MEGF11: variants seen among roughly 807,000 people sequenced by gnomAD.
MEGF11 encodes the protein multiple EGF like domains 11, also known as multiple epidermal growth factor-like domains protein 11.
A neutral mutation model predicts 146.6 loss-of-function variants in MEGF11; 126 were observed. That is an observed-to-expected ratio of 0.86 (90% CI 0.74 to 1.00). The LOEUF is 1.00. Ranked by LOEUF, MEGF11 falls within the 50% of genes least tolerant of loss-of-function variation. MEGF11 has a pLI of 0.00. For synonymous variants in MEGF11, 532 were observed against 583.4 expected (o/e 0.91, Z 1.27); for missense variants, 1,509 against 1,521.2 (o/e 0.99, Z 0.13).
At chr15:66,203,185 G>A (rs1368243108) in intron 1 of MEGF11, among the ~76,000 whole-genome samples, 3 of 152,102 alleles carry the variant, frequency 2.0e-5, no homozygotes, top group South Asian at 2.1e-4. Flanking sequence ...CTGAGCCTGC[G>A]CACTCAGCCA....
At chr15:66,140,940 A>G (rs1201756262) in intron 1 of MEGF11, among the ~76,000 whole-genome samples, 1 of 151,808 alleles carries the variant, frequency 6.6e-6, no homozygotes, top group Non-Finnish European at 1.5e-5. Flanking sequence ...TAGAACCTAG[A>G]TGTAGACTCG....
chr15:65,943,079 C>T lies in MEGF11; in HGVS notation c.1288-12136G>A, dbSNP rs367569164. On this transcript the variant is annotated intron_variant, in intron 10 of 25. Transcript: ENST00000395614. Reference sequence around the variant, plus strand: ...TCGGCTCACTGCAACCACCGCCCCCCGGGTTCAAGCGATTCTCCTGCCTCA... The same window carrying T: ...TCGGCTCACTGCAACCACCGCCCCCTGGGTTCAAGCGATTCTCCTGCCTCA... Among the ~76,000 whole-genome samples, 42 of 147,992 alleles carry T rather than the reference C, an allele frequency of 2.8e-4. 1 individual carries two copies. The East Asian group carries it at 5.4e-3, about 19-fold the overall frequency.
chr15:65,931,092 A>G (rs1346851268), intron 10 of MEGF11, 149 bp from the exon 11 acceptor site: 16 of 1,014,040 alleles, frequency 1.6e-5, no homozygotes, highest in Non-Finnish European at 2.0e-5. Flanking sequence ...GCAAAAAGGG[A>G]CTTTGCAGGT....
intron 5 of MEGF11, among the ~76,000 whole-genome samples, chr15:66,067,212 G>A (rs1306895191): frequency 1.3e-5 from 2 of 152,218 alleles, no homozygotes; most frequent in Non-Finnish European, 2.9e-5. Context: ...CAGGTCTAAT[G>A]TTTGATGACA....
intron 15 of MEGF11, 53 bp from the exon 16 acceptor site, chr15:65,918,147 C>T (rs2079062905): frequency 1.9e-6 from 3 of 1,606,886 alleles, no homozygotes; most frequent in Non-Finnish European, 2.5e-6. Flanking sequence ...TTCCTCTGAC[C>T]TCCACCCACA....
intron 5 of MEGF11, among the ~76,000 whole-genome samples, chr15:66,027,875 T>A (rs918401650): frequency 2.0e-5 from 3 of 152,130 alleles, no homozygotes; most frequent in Non-Finnish European, 2.9e-5. Flanking sequence ...TGACCAAATG[T>A]GAGTTATTTA....
intron 1 of MEGF11, among the ~76,000 whole-genome samples, chr15:66,157,094 C>T (rs1015615355): frequency 1.1e-5 from 1 of 92,802 alleles, no homozygotes; most frequent in Non-Finnish European, 2.6e-5. Flanking sequence ...GGACCAACGC[C>T]TTACAGGTTT....
intron 10 of MEGF11, among the ~76,000 whole-genome samples, chr15:65,935,841 T>G (rs1164255308): frequency 6.6e-6 from 1 of 152,230 alleles, no homozygotes; most frequent in African/African-American, 2.4e-5. Flanking sequence ...TTAAAGTTTT[T>G]TGTCAAATTC....
At chr15:66,172,848 C>T (rs555271947) in intron 1 of MEGF11, among the ~76,000 whole-genome samples, 14 of 152,314 alleles carry the variant, frequency 9.2e-5, no homozygotes, top group East Asian at 1.9e-4. Context: ...CTAGGTCACA[C>T]GCAGTCACAG....
At chr15:65,973,031 C>T (rs2081342851) in intron 7 of MEGF11, among the ~76,000 whole-genome samples, 1 of 151,676 alleles carries the variant, frequency 6.6e-6, no homozygotes, top group South Asian at 2.1e-4. Context: ...GCAGGAGAAT[C>T]GCTTGAACCT....
chr15:66,097,461 G>C (rs912138770), intron 4 of MEGF11, among the ~76,000 whole-genome samples: 19 of 152,304 alleles, frequency 1.2e-4, no homozygotes, highest in Non-Finnish European at 7.4e-5. Context: ...TGACTGCCTG[G>C]GAGGGGTTGG....
intron 1 of MEGF11, among the ~76,000 whole-genome samples, chr15:66,146,261 TC>T (rs1375715391): frequency 6.6e-6 from 1 of 152,246 alleles, no homozygotes; most frequent in Non-Finnish European, 1.5e-5. Flanking sequence ...CAGGGAATTA[TC>T]CTCATTCACC....
At chr15:66,245,483 T>A (rs371822438) in intron 1 of MEGF11, among the ~76,000 whole-genome samples, 1 of 126,018 alleles carries the variant, frequency 7.9e-6, no homozygotes, top group Non-Finnish European at 1.7e-5. Flanking sequence ...AAAAAAAAAA[T>A]TAGCCAGGCA....
chr15:66,099,192 C>T (rs951497319), intron 4 of MEGF11, among the ~76,000 whole-genome samples: 1 of 142,896 alleles, frequency 7.0e-6, no homozygotes, highest in African/African-American at 2.6e-5. Context: ...ATCCCTCCCA[C>T]CCCTCCTTTT....
chr15:66,155,227 G>C (rs1288069431), intron 1 of MEGF11, among the ~76,000 whole-genome samples: 4 of 151,324 alleles, frequency 2.6e-5, no homozygotes, highest in Non-Finnish European at 4.4e-5. Flanking sequence ...GCAGTAATCA[G>C]GTGGGTTGGG....
At chr15:66,163,378 A>T (rs2090007612) in intron 1 of MEGF11, among the ~76,000 whole-genome samples, 1 of 152,132 alleles carries the variant, frequency 6.6e-6, no homozygotes, top group Non-Finnish European at 1.5e-5. Context: ...AGGAAGGCCG[A>T]TTTCAGCTTG....
chr15:66,176,269 A>C (rs1257569091), intron 1 of MEGF11, among the ~76,000 whole-genome samples: 3 of 152,200 alleles, frequency 2.0e-5, no homozygotes, highest in African/African-American at 7.2e-5. Context: ...AAAAACTAAA[A>C]ATAGCACTAC....
At chr15:66,088,946 C>A (rs151234930) in intron 5 of MEGF11, among the ~76,000 whole-genome samples, 25 of 152,222 alleles carry the variant, frequency 1.6e-4, no homozygotes, top group Non-Finnish European at 3.5e-4. Context: ...GTGAATGTAC[C>A]AATGTTACCA....
intron 1 of MEGF11, among the ~76,000 whole-genome samples, chr15:66,212,800 C>T (rs1053944389): frequency 3.3e-5 from 5 of 152,222 alleles, no homozygotes; most frequent in African/African-American, 1.2e-4. Context: ...GGACTCCCCC[C>T]CAGCCATACA....
Sources: allele counts gnomAD v4.1 joint callset (sites outside exome capture counted in the v4.1 genomes callset), GRCh38; gene constraint gnomAD v4.1.1; transcripts MANE v1.5; gene names NCBI Gene and HGNC (gene_info 2026-07-23, HGNC 2026-07-21).